The following SPDYE2 variants were observed in gnomAD, a reference collection of about 807,000 sequenced individuals.
The protein encoded by SPDYE2 is speedy/RINGO cell cycle regulator family member E2, also known as speedy protein E2.
For synonymous variants in SPDYE2, 2 were observed against 45.1 expected, an observed-to-expected ratio of 0.04 and a Z score of 3.83; for missense variants, 1 against 121.0, an observed-to-expected ratio of 0.01 and a Z score of 4.65.
downstream of SPDYE2, chr7:102,564,884 G>T (rs1801005213): frequency 7.0e-6 from 1 of 142,116 alleles, no homozygotes; most frequent in Non-Finnish European, 1.6e-5. Context: ...GTAGAGACGG[G>T]ATTTCACTGT....
chr7:102,557,344 T>C, intron 5 of SPDYE2, 122 bp downstream of exon 5: 1 of 672,600 alleles, frequency 1.5e-6, no homozygotes. Context: ...GTCTTTTTTT[T>C]TTTTTTTTGT....
At chr7:102,553,995 CAGA>C (rs1800667129) in intron 2 of SPDYE2, 2 of 261,532 alleles carry the variant, frequency 7.6e-6, no homozygotes, top group Non-Finnish European at 1.2e-5. Context: ...GAGGCTGAGG[CAGA>C]AGAATAAATG....
intron 6 of SPDYE2, among the ~76,000 whole-genome samples, chr7:102,559,941 AGTTT>A (rs1293778600): frequency 4.6e-3 from 166 of 36,068 alleles, no homozygotes; most frequent in African/African-American, 0.012. Context: ...ACACCTGGAC[AGTTT>A]GTTTGTTTGT....
downstream of SPDYE2, chr7:102,564,515 T>C (rs1800988966): frequency 6.7e-6 from 1 of 149,558 alleles, no homozygotes; most frequent in African/African-American, 2.4e-5. Flanking sequence ...ATTTTTCTTT[T>C]TCCTTTTTGG....
intron 2 of SPDYE2, among the ~76,000 whole-genome samples, chr7:102,553,736 A>AAAG (rs1554589049): frequency 5.4e-5 from 2 of 36,782 alleles, no homozygotes; most frequent in Non-Finnish European, 1.3e-4. Flanking sequence ...AAAAAAGAAA[A>AAAG]AAAAGAAAAG....
chr7:102,555,609 T>C (rs201331954), intron 3 of SPDYE2, among the ~76,000 whole-genome samples: 2 of 95,546 alleles, frequency 2.1e-5, no homozygotes, highest in South Asian at 7.2e-4. Flanking sequence ...CAAGACTGTT[T>C]CTCAACAACA....
At chr7:102,554,282 T>TGGTTTGG in intron 2 of SPDYE2, 77 bp from the exon 3 acceptor site, 2 of 1,396,172 alleles carry the variant, frequency 1.4e-6, no homozygotes, top group Non-Finnish European at 9.7e-7. Context: ...GGATGGAGAG[T>TGGTTTGG]GGTTTGGGGT....
chr7:102,555,260 A>T (rs1465665548), intron 3 of SPDYE2, among the ~76,000 whole-genome samples: 1 of 112,888 alleles, frequency 8.9e-6, no homozygotes, highest in Non-Finnish European at 1.9e-5. Flanking sequence ...AAAAAAAAAA[A>T]GAAGGAAGGA....
At chr7:102,554,830 C>T (rs2133389462) in intron 3 of SPDYE2, among the ~76,000 whole-genome samples, 1 of 109,754 alleles carries the variant, frequency 9.1e-6, no homozygotes, top group South Asian at 2.6e-4. Flanking sequence ...GCCTGAGATG[C>T]TAGCACGTTG....
intron 5 of SPDYE2, among the ~76,000 whole-genome samples, chr7:102,557,448 T>C (rs1204532772): frequency 3.0e-5 from 4 of 131,854 alleles, no homozygotes; most frequent in East Asian, 4.9e-4. Flanking sequence ...CTGCAGCCGA[T>C]GCGTCCTGGG....
chr7:102,561,193 AGGCCTGAGGTCATC>A, exon 8 of SPDYE2: 1 of 362,252 alleles, frequency 2.8e-6, no homozygotes, highest in East Asian at 5.5e-5. Context: ...GGGACCGGGG[AGGCCTGAGGTCATC>A]GGCCTGAGAG....
chr7:102,562,643 A>G (rs1472747687), exon 9 of SPDYE2: 1 of 55,554 alleles, frequency 1.8e-5, no homozygotes. Flanking sequence ...ACATAAAGCT[A>G]ATTTTCTTTT....
intron 3 of SPDYE2, among the ~76,000 whole-genome samples, chr7:102,554,962 G>C (rs1460111392): frequency 7.6e-6 from 1 of 131,558 alleles, no homozygotes; most frequent in African/African-American, 2.7e-5. Flanking sequence ...AAAAACGAAG[G>C]CCAGGTGTGG....
intron 3 of SPDYE2, among the ~76,000 whole-genome samples, chr7:102,555,628 A>G (rs1800769881): frequency 1.2e-5 from 1 of 82,766 alleles, no homozygotes; most frequent in Non-Finnish European, 2.6e-5. Flanking sequence ...CAACAACAAC[A>G]ACAACAAAAA....
intron 3 of SPDYE2, among the ~76,000 whole-genome samples, chr7:102,555,231 TCA>T (rs1800746793): frequency 3.2e-5 from 1 of 31,720 alleles, no homozygotes. Flanking sequence ...AGACGCTGTC[TCA>T]AAAAAAAAAA....
At chr7:102,555,643 A>C (rs1263172244) in intron 3 of SPDYE2, among the ~76,000 whole-genome samples, 134 of 95,106 alleles carry the variant, frequency 1.4e-3, no homozygotes, top group Middle Eastern at 8.7e-3. Flanking sequence ...CAAAAAAAAA[A>C]AAAAAAAGGG....
intron 5 of SPDYE2, among the ~76,000 whole-genome samples, 158 bp downstream of exon 5, chr7:102,557,380 T>A (rs1482229094): frequency 6.0e-5 from 8 of 133,998 alleles, no homozygotes; most frequent in East Asian, 2.5e-4. Context: ...TGTGTGTGTG[T>A]GAGACAGAGT....
intron 5 of SPDYE2, 114 bp downstream of exon 5, chr7:102,557,336 C>CTTTCT: frequency 1.6e-6 from 1 of 630,754 alleles, no homozygotes; most frequent in South Asian, 2.1e-5. Context: ...CTCCTACAGT[C>CTTTCT]TTTTTTTTTT....
chr7:102,563,017 ATATT>A (rs1399018816), exon 9 of SPDYE2: 88 of 147,872 alleles, frequency 6.0e-4, no homozygotes, highest in South Asian at 1.7e-3. Flanking sequence ...TTTATTAAAT[ATATT>A]TATTTATTTA....
Sources: gnomAD v4.1 joint callset for allele counts (sites outside exome capture counted in the v4.1 genomes callset) on GRCh38, gnomAD v4.1.1 for gene constraint, MANE v1.5 for transcripts, NCBI Gene and HGNC (gene_info 2026-07-23, HGNC 2026-07-21) for gene names.